TBC1D7: variants seen among roughly 807,000 people sequenced by gnomAD.
TBC1D7 encodes the protein TBC domain family 7.
TBC1D7 carries 33 observed loss-of-function variants against 35.3 expected under a neutral mutation model. The ratio of observed to expected loss-of-function variants is 0.93; its 90% CI spans 0.71 to 1.25. The LOEUF is 1.25. Ranked by LOEUF, TBC1D7 falls within the 50% of genes most tolerant of loss-of-function variation. The pLI is 0.00. For synonymous variants in TBC1D7, 135 were observed against 129.5 expected, an observed-to-expected ratio of 1.04 and a Z score of -0.29; for missense variants, 362 against 365.3, an observed-to-expected ratio of 0.99 and a Z score of 0.07.
Position 13,316,720 on chromosome 6 carries a change from A to T in TBC1D7, c.382-12T>A. On this transcript the variant is annotated splice_polypyrimidine_tract_variant and intron_variant, in intron 4 of 7. Transcript: ENST00000379300. ...TCATCATCTGGCTCCTGAAAGATTAATAATAAATCTCAAGAGGAAGGCAGT... is the reference window on the plus strand; with the variant it reads ...TCATCATCTGGCTCCTGAAAGATTATTAATAAATCTCAAGAGGAAGGCAGT... 4 of 1,612,922 alleles carry T rather than the reference A, an allele frequency of 2.5e-6. No individual in the cohort carries two copies. The highest frequency in any genetic ancestry group is 3.4e-6 in the Non-Finnish European group (4 of 1,179,620).
chr6:13,321,865 G>GA (rs1003289188), intron 3 of TBC1D7, among the ~76,000 whole-genome samples: 9 of 150,620 alleles, frequency 6.0e-5, no homozygotes, highest in African/African-American at 1.5e-4. Flanking sequence ...AACCCCAAGA[G>GA]AAAAAAAAAT....
At chr6:13,325,302 A>T in intron 2 of TBC1D7, 128 bp from the exon 3 acceptor site, 1 of 645,822 alleles carries the variant, frequency 1.5e-6, no homozygotes, top group Non-Finnish European at 2.6e-6. Flanking sequence ...CCATATGGTC[A>T]GTAAGTTTAG....
intron 5 of TBC1D7, among the ~76,000 whole-genome samples, chr6:13,310,959 A>G (rs1783169823): frequency 6.6e-6 from 1 of 152,178 alleles, no homozygotes; most frequent in Non-Finnish European, 1.5e-5. Flanking sequence ...TATTATAACC[A>G]TAATTATGTT....
intron 5 of TBC1D7, among the ~76,000 whole-genome samples, chr6:13,308,578 C>T (rs1782973305): frequency 2.0e-5 from 3 of 152,206 alleles, no homozygotes; most frequent in Admixed American, 1.3e-4. Context: ...TTAGGGTCCA[C>T]TGGCTGAGAA....
In TBC1D7 at chr6:13,306,432, T is replaced by C; in HGVS notation, c.761A>G (p.Asn254Ser). ...LTFKIKVMAL[N>S]SAEKITKFLE... ...AAACTTTGTTATCTTCTCTGCACTGTTCAGTGCCATAACTTTTATTTTAAA... is the reference window on the plus strand; with the variant it reads ...AAACTTTGTTATCTTCTCTGCACTGCTCAGTGCCATAACTTTTATTTTAAA... Residue 254 changes from asparagine to serine, a missense_variant, in exon 7 of 8, where the codon AAC becomes AGC. Physicochemically the swap from Asn to Ser is conservative, Grantham distance 46. Coordinates refer to ENST00000379300, the MANE Select transcript of TBC1D7 (RefSeq NM_016495.6). The C allele has an allele frequency of 6.2e-7, 1 of 1,607,712 alleles. No homozygotes were observed.
rs560247448 is a variant in TBC1D7 at position 13,319,649 on chromosome 6, T to C, written c.381+1259A>G. 4 of 152,272 alleles carry C rather than the reference T, an allele frequency of 2.6e-5. No homozygotes were observed. The East Asian group carries it at 5.8e-4, about 22-fold the overall frequency. 9.4% of individuals were successfully genotyped at this position (152,272 alleles called of 1,614,324 possible). On this transcript the variant is annotated intron_variant, in intron 4 of 7. Coordinates refer to ENST00000379300, the MANE Select transcript of TBC1D7 (RefSeq NM_016495.6). The stretch of plus-strand genomic sequence containing the variant: ...ATTGTGATTCTCCGGTTTTGATCAT[T>C]ACATTACGGTTGTATGAGATGTAAC...
intron 7 of TBC1D7, chr6:13,305,883 A>C (rs1782773667): frequency 6.2e-6 from 1 of 161,050 alleles, no homozygotes; most frequent in Non-Finnish European, 1.3e-5. Context: ...ATCCTCCAAA[A>C]TACAGAACCC....
rs1783437211 is a variant in TBC1D7, at chr6:13,314,208, A to AC, written c.519+2362_519+2363insG. On this transcript the variant is annotated intron_variant, in intron 5 of 7. Coordinates refer to ENST00000379300, the MANE Select transcript of TBC1D7 (RefSeq NM_016495.6). Reference sequence around the variant, plus strand: ...CGACCAAGCGAGACTCCATCTCAAAAAAAAAAAAAAAGGAAAGGAAAATCA... The same window carrying AC: ...CGACCAAGCGAGACTCCATCTCAAAACAAAAAAAAAAAGGAAAGGAAAATCA... Among the ~76,000 whole-genome samples, 3 of 151,648 alleles carry AC rather than the reference A, an allele frequency of 2.0e-5. No individual in the cohort carries two copies. In the South Asian group the frequency reaches 6.2e-4, roughly 31 times the overall value.
chr6:13,324,435 CTTT>C (rs890460225), intron 3 of TBC1D7, among the ~76,000 whole-genome samples: 2 of 152,050 alleles, frequency 1.3e-5, no homozygotes, highest in African/African-American at 4.8e-5. Context: ...GCCAAAAATA[CTTT>C]TTTTAAGAAA....
chr6:13,310,886 C>A (rs1343715372), intron 5 of TBC1D7, among the ~76,000 whole-genome samples: 1 of 151,934 alleles, frequency 6.6e-6, no homozygotes, highest in African/African-American at 2.4e-5. Flanking sequence ...TATTGCCTGA[C>A]CTTTTTCATA....
chr6:13,326,351 T>C (rs1784404040), intron 2 of TBC1D7, among the ~76,000 whole-genome samples: 1 of 151,642 alleles, frequency 6.6e-6, no homozygotes, highest in Admixed American at 6.6e-5. Flanking sequence ...TAATTCCAGC[T>C]ACCTGGGAGG....
chr6:13,315,734 AACAAAATATGTGT>A (rs1238981414), intron 5 of TBC1D7, among the ~76,000 whole-genome samples: 5 of 152,352 alleles, frequency 3.3e-5, no homozygotes, highest in East Asian at 3.9e-4. Context: ...CAAAAATGGA[AACAAAATATGTGT>A]ACAAAATATG....
intron 6 of TBC1D7, chr6:13,307,320 C>G (rs911753478): frequency 3.6e-6 from 1 of 279,862 alleles, no homozygotes; most frequent in African/African-American, 2.2e-5. Context: ...AGATTTGTCA[C>G]ATTTCTGGAA....
chr6:13,315,748 A>C (rs146240985), intron 5 of TBC1D7, among the ~76,000 whole-genome samples: 50 of 152,312 alleles, frequency 3.3e-4, no homozygotes, highest in African/African-American at 1.2e-3. Context: ...AAATATGTGT[A>C]CAAAATATGT....
rs768619243 is a variant in TBC1D7 at position 13,320,946 on chromosome 6, C to T, written c.343G>A (p.Glu115Lys). 27 of 1,614,034 alleles carry T rather than the reference C, an allele frequency of 1.7e-5. 1 individual carries two copies. In the South Asian group the frequency reaches 2.0e-4, roughly 12 times the overall value. ...AEVYLRMYQL[E>K]SGKLPRSPSF... ...GGACTTCGAGGTAACTTCCCAGACTCCAGCTGATACATGCGGAGATAGACT... is the reference window on the plus strand; with the variant it reads ...GGACTTCGAGGTAACTTCCCAGACTTCAGCTGATACATGCGGAGATAGACT... The change falls in exon 4 of 8, where the codon GAG becomes AAG. Residue 115 changes from glutamate (E) to lysine (K), a missense_variant. By Grantham distance (56) the Glu-to-Lys change is moderately conservative. Transcript: ENST00000379300.
intron 5 of TBC1D7, among the ~76,000 whole-genome samples, chr6:13,314,458 T>A (rs1271877843): frequency 6.6e-6 from 1 of 152,144 alleles, no homozygotes; most frequent in Non-Finnish European, 1.5e-5. Context: ...GCATAAACTA[T>A]CAAAATGCTA....
At chr6:13,316,516 A>G (rs1386973555) in intron 5 of TBC1D7, 55 bp downstream of exon 5, 2 of 1,563,424 alleles carry the variant, frequency 1.3e-6, no homozygotes, top group Non-Finnish European at 8.6e-7. Flanking sequence ...CTCCCTGAAG[A>G]CCCCCACTAC....
chr6:13,312,978 C>T (rs1783337893), intron 5 of TBC1D7, among the ~76,000 whole-genome samples: 1 of 152,024 alleles, frequency 6.6e-6, no homozygotes. Flanking sequence ...ATAGTTGTGT[C>T]TGTATTGAAC....
chr6:13,314,162 G>A (rs1266411754), intron 5 of TBC1D7, among the ~76,000 whole-genome samples: 3 of 149,610 alleles, frequency 2.0e-5, no homozygotes, highest in Admixed American at 6.7e-5. Flanking sequence ...CCGAGATTGC[G>A]CCACTGCACT....
Sources: allele counts gnomAD v4.1 joint callset (sites outside exome capture counted in the v4.1 genomes callset), GRCh38; gene constraint gnomAD v4.1.1; transcripts MANE v1.5; gene names NCBI Gene and HGNC (gene_info 2026-07-23, HGNC 2026-07-21).